Variants in COL5A1 observed in about 807,000 individuals in gnomAD.
COL5A1 encodes the protein collagen type V alpha 1 chain.
COL5A1 carries 16 observed loss-of-function variants against 263.7 expected under a neutral mutation model. The ratio of observed to expected loss-of-function variants is 0.06; its 90% CI spans 0.04 to 0.09. COL5A1 has a LOEUF of 0.09. Ranked by LOEUF, COL5A1 falls within the 10% of genes least tolerant of loss-of-function variation. The pLI is 1.00. For missense variants in COL5A1, 2,036 were observed against 2,540.5 expected (o/e 0.80, Z 4.27); for synonymous variants, 1,012 against 1,004.5 (o/e 1.01, Z -0.14).
chr9:134,799,006 G>A (rs1194132092), intron 37 of COL5A1, among the ~76,000 whole-genome samples: 1 of 152,216 alleles, frequency 6.6e-6, no homozygotes, highest in African/African-American at 2.4e-5. Context: ...AATCCAGGGG[G>A]TCTGGAGGAT....
chr9:134,651,559 A>C (rs1831687955), intron 1 of COL5A1, among the ~76,000 whole-genome samples: 1 of 152,216 alleles, frequency 6.6e-6, no homozygotes. Flanking sequence ...CGGTGGTCTC[A>C]GCTTTTCCAG....
chr9:134,734,958 C>G (rs989503703), intron 9 of COL5A1, among the ~76,000 whole-genome samples: 1 of 152,110 alleles, frequency 6.6e-6, no homozygotes, highest in African/African-American at 2.4e-5. Context: ...CACCTGTAAT[C>G]CCAGCACTTT....
At chr9:134,660,864 G>A (rs1013362861) in intron 1 of COL5A1, among the ~76,000 whole-genome samples, 25 of 152,346 alleles carry the variant, frequency 1.6e-4, no homozygotes, top group African/African-American at 6.0e-4. Flanking sequence ...GCCTGCCACT[G>A]TGAGGTGCTC....
intron 64 of COL5A1, among the ~76,000 whole-genome samples, chr9:134,833,083 G>A (rs1839709438): frequency 1.3e-5 from 2 of 152,194 alleles, no homozygotes; most frequent in Admixed American, 6.5e-5. Context: ...GCTGGCTTTA[G>A]CCTGCTTCAT....
intron 65 of COL5A1, 128 bp downstream of exon 65, chr9:134,835,332 C>T (rs1011576787): frequency 1.9e-5 from 15 of 795,588 alleles, no homozygotes; most frequent in South Asian, 4.8e-5. Context: ...ACCAGACTCT[C>T]GCCCCAGGCA....
At chr9:134,698,763 T>C (rs1267126387) in intron 2 of COL5A1, among the ~76,000 whole-genome samples, 2 of 152,310 alleles carry the variant, frequency 1.3e-5, no homozygotes, top group East Asian at 3.9e-4. Flanking sequence ...TGCTGCCCCA[T>C]GGGGTCAGGG....
chr9:134,822,273 C>T (rs1422748850), intron 59 of COL5A1, 123 bp downstream of exon 59: 3 of 827,426 alleles, frequency 3.6e-6, no homozygotes, highest in African/African-American at 1.7e-5. Context: ...GAATTGGGGC[C>T]TCCAGGGTGG....
intron 31 of COL5A1, among the ~76,000 whole-genome samples, chr9:134,787,695 T>C (rs1837513089): frequency 6.6e-6 from 1 of 152,212 alleles, no homozygotes; most frequent in Admixed American, 6.5e-5. Flanking sequence ...CATTCCCAAC[T>C]CTGCAAGCTG....
In COL5A1 at chr9:134,683,174, G is replaced by A. The variant is rs553909054; in HGVS notation, c.110-7738G>A. 1.2e-4 allele frequency among the ~76,000 whole-genome samples: 18 copies of A among 152,340 alleles called. No homozygotes were observed. In the South Asian group the frequency reaches 3.5e-3, roughly 30 times the overall value. ...ATTTAGAAAAGTAGAACGGCTGTAA[G>A]GTGGTCAGGGGTCACCTCCTCCCGT... On this transcript the variant is annotated intron_variant, in intron 1 of 65. Transcript: ENST00000371817.
At chr9:134,775,396 G>A (rs1366000357) in intron 27 of COL5A1, among the ~76,000 whole-genome samples, 1 of 152,222 alleles carries the variant, frequency 6.6e-6, no homozygotes, top group African/African-American at 2.4e-5. Flanking sequence ...CATCTGGGTG[G>A]GCCAGCGCTG....
chr9:134,756,972 G>A (rs1036150800), intron 17 of COL5A1, among the ~76,000 whole-genome samples, 154 bp downstream of exon 17: 2 of 152,156 alleles, frequency 1.3e-5, no homozygotes, highest in Non-Finnish European at 2.9e-5. Flanking sequence ...GGGTTGGTGG[G>A]TGAATTTCGC....
rs1020904518 is a variant in COL5A1, at chr9:134,810,989, G to A, written c.3529-350G>A. On this transcript the variant is annotated intron_variant, in intron 44 of 65. Transcript: ENST00000371817. The stretch of plus-strand genomic sequence containing the variant: ...GGCACAGCAGGGGACATGGTGCTGG[G>A]CGCAAGGGCTCCAGAGGAGCTTGTG... 7.2e-5 allele frequency among the ~76,000 whole-genome samples: 11 copies of A among 152,190 alleles called. 1 individual carries two copies. Among genetic ancestry groups the A allele is most frequent in the South Asian group, 6.2e-4 (3 of 4,826 alleles).
At chr9:134,798,106 G>T (rs566001920) in intron 36 of COL5A1, among the ~76,000 whole-genome samples, 1 of 152,234 alleles carries the variant, frequency 6.6e-6, no homozygotes, top group Admixed American at 6.5e-5. Context: ...TGTGTCACCT[G>T]CTGGCTGGAC....
At chr9:134,708,491 C>T (rs12235836) in intron 4 of COL5A1, 2 of 475,382 alleles carry the variant, frequency 4.2e-6, no homozygotes, top group East Asian at 5.6e-5. Flanking sequence ...GTCCAAGACC[C>T]GCATCTACCC....
chr9:134,648,352 C>T (rs908291977), intron 1 of COL5A1, among the ~76,000 whole-genome samples: 34 of 148,630 alleles, frequency 2.3e-4, no homozygotes, highest in East Asian at 3.9e-4. Context: ...TAGTTCTGTC[C>T]CTCTAAGGGA....
intron 4 of COL5A1, among the ~76,000 whole-genome samples, chr9:134,704,671 G>A (rs1833781996): frequency 6.6e-6 from 1 of 152,182 alleles, no homozygotes; most frequent in South Asian, 2.1e-4. Flanking sequence ...TCTGGAGGAG[G>A]TGTTTTCCTA....
rs114090439 is a variant in COL5A1 at position 134,712,957 on chromosome 9, C to T, written c.654+11624C>T. Reference sequence around the variant, plus strand: ...GGCCTGTGGGTGACCAGGCTGCAGCCGGGGACTCCCAGCACTCCTGGAGCC... The same window carrying T: ...GGCCTGTGGGTGACCAGGCTGCAGCTGGGGACTCCCAGCACTCCTGGAGCC... On this transcript the variant is annotated intron_variant, in intron 4 of 65. Coordinates refer to ENST00000371817, the MANE Select transcript of COL5A1 (RefSeq NM_000093.5). Among the ~76,000 whole-genome samples, 1,144 of 152,220 alleles carry T rather than the reference C, an allele frequency of 7.5e-3. 12 individuals carry two copies. The highest frequency in any genetic ancestry group is 0.026 in the African/African-American group (1,094 of 41,538).
At chr9:134,722,081 C>T (rs1184447286) in intron 4 of COL5A1, among the ~76,000 whole-genome samples, 3 of 152,238 alleles carry the variant, frequency 2.0e-5, no homozygotes, top group South Asian at 2.1e-4. Context: ...CAGTGGTGCC[C>T]GCAGAACACA....
intron 27 of COL5A1, among the ~76,000 whole-genome samples, chr9:134,776,662 C>T (rs1229521974): frequency 6.6e-6 from 1 of 152,120 alleles, no homozygotes; most frequent in Non-Finnish European, 1.5e-5. Flanking sequence ...GAGAGGGGGC[C>T]CGTTATTTTC....
Sources: allele counts gnomAD v4.1 joint callset (sites outside exome capture counted in the v4.1 genomes callset), GRCh38; gene constraint gnomAD v4.1.1; transcripts MANE v1.5; gene names NCBI Gene and HGNC (gene_info 2026-07-23, HGNC 2026-07-21).